PPP1R9A: variants seen among roughly 807,000 people sequenced by gnomAD.
PPP1R9A encodes protein phosphatase 1 regulatory subunit 9A.
PPP1R9A carries 59 observed loss-of-function variants against 141.9 expected under a neutral mutation model. The ratio of observed to expected loss-of-function variants is 0.42; its 90% CI spans 0.34 to 0.52. The LOEUF (loss-of-function observed/expected upper bound fraction) is 0.52. PPP1R9A is among the 20% of genes least tolerant of loss of function. The pLI is 0.10. For missense variants in PPP1R9A, 1,444 were observed against 1,611.9 expected (o/e 0.90, Z 1.78); for synonymous variants, 500 against 569.7 (o/e 0.88, Z 1.74).
intron 5 of PPP1R9A, among the ~76,000 whole-genome samples, chr7:95,181,716 GTCACATATATATAGAATATA>G (rs1833868612): frequency 9.0e-6 from 1 of 110,688 alleles, no homozygotes; most frequent in African/African-American, 3.6e-5. Flanking sequence ...TATATATTCC[GTCACATATATATAGAATATA>G]TATATATTCC....
At chr7:95,007,846 C>A (rs974999020) in intron 2 of PPP1R9A, among the ~76,000 whole-genome samples, 1 of 151,920 alleles carries the variant, frequency 6.6e-6, no homozygotes, top group Non-Finnish European at 1.5e-5. Flanking sequence ...CCGAGGCGGG[C>A]GGATCACCTG....
At chr7:95,074,313 A>T (rs991422637) in intron 2 of PPP1R9A, among the ~76,000 whole-genome samples, 1 of 152,152 alleles carries the variant, frequency 6.6e-6, no homozygotes, top group African/African-American at 2.4e-5. Context: ...ATCCCCCATT[A>T]CAAGCCATCG....
chr7:95,288,017 A>T (rs1049853202), intron 18 of PPP1R9A, among the ~76,000 whole-genome samples: 2 of 152,120 alleles, frequency 1.3e-5, no homozygotes, highest in Non-Finnish European at 2.9e-5. Flanking sequence ...GTAATGATGG[A>T]TATTATATGC....
chr7:95,230,823 C>T (rs559853672), intron 8 of PPP1R9A, among the ~76,000 whole-genome samples: 11 of 152,200 alleles, frequency 7.2e-5, no homozygotes, highest in East Asian at 5.8e-4. Flanking sequence ...ATAAATCTCA[C>T]AGGACCTTTA....
chr7:95,185,409 C>G (rs769045650), intron 5 of PPP1R9A, among the ~76,000 whole-genome samples: 1 of 149,840 alleles, frequency 6.7e-6, no homozygotes, highest in Non-Finnish European at 1.5e-5. Context: ...TTGGCATTCT[C>G]TATAGATTCT....
intron 2 of PPP1R9A, among the ~76,000 whole-genome samples, chr7:94,991,039 T>C (rs942061822): frequency 1.3e-5 from 2 of 152,180 alleles, no homozygotes; most frequent in African/African-American, 4.8e-5. Flanking sequence ...TGCAATATAC[T>C]GATTTCTTTT....
intron 4 of PPP1R9A, among the ~76,000 whole-genome samples, chr7:95,142,273 A>C (rs1826838776): frequency 6.6e-6 from 1 of 152,130 alleles, no homozygotes; most frequent in Non-Finnish European, 1.5e-5. Flanking sequence ...GATACATAAT[A>C]TGTAAACATT....
At chr7:95,098,125 A>G (rs1818279691) in intron 2 of PPP1R9A, 2 of 152,330 alleles carry the variant, frequency 1.3e-5, no homozygotes, top group East Asian at 3.9e-4. Flanking sequence ...TTGAACTTTA[A>G]TCGCATCTAC....
intron 12 of PPP1R9A, among the ~76,000 whole-genome samples, chr7:95,256,840 T>C (rs982482816): frequency 2.6e-5 from 4 of 152,034 alleles, no homozygotes; most frequent in Non-Finnish European, 5.9e-5. Flanking sequence ...TTCTAAAATA[T>C]GCCATAAAAA....
intron 2 of PPP1R9A, among the ~76,000 whole-genome samples, chr7:95,049,765 A>C (rs1810533411): frequency 6.6e-6 from 1 of 152,174 alleles, no homozygotes; most frequent in Admixed American, 6.6e-5. Flanking sequence ...TATAGTTGGA[A>C]TTTTGTAGTA....
intron 5 of PPP1R9A, among the ~76,000 whole-genome samples, chr7:95,166,308 A>G (rs1831260067): frequency 6.6e-6 from 1 of 152,182 alleles, no homozygotes; most frequent in African/African-American, 2.4e-5. Flanking sequence ...AAGTGTCACT[A>G]GCTGCTTTTT....
rs150029636 is a variant in PPP1R9A, at chr7:95,238,085, T to G, written c.2113-9388T>G. ...TAAAGCAGATCAATATCTATGTCTT[T>G]ATCGTTTAACAAAATAATACCCATA... On this transcript the variant is annotated intron_variant, in intron 8 of 19. Coordinates refer to ENST00000433360, the MANE Select transcript of PPP1R9A (RefSeq NM_001166160.2). 4.5e-3 allele frequency among the ~76,000 whole-genome samples: 685 copies of G among 152,302 alleles called. 4 individuals are homozygous for G. The highest frequency in any genetic ancestry group is 0.015 in the African/African-American group (619 of 41,578).
chr7:95,100,365 C>T lies in PPP1R9A; in HGVS notation c.1396-10894C>T, dbSNP rs556497092. On this transcript the variant is annotated intron_variant, in intron 2 of 19. Transcript: ENST00000433360. ...AATACATACTTGATTTTATCATGGA[C>T]TTTTGTATATGTTTGAATATGAATA... 2.6e-5 allele frequency among the ~76,000 whole-genome samples: 4 copies of T among 152,200 alleles called. No homozygotes were observed. The East Asian group carries it at 7.7e-4, about 29-fold the overall frequency.
chr7:95,200,049 A>G (rs939288379), intron 6 of PPP1R9A, among the ~76,000 whole-genome samples: 1 of 151,836 alleles, frequency 6.6e-6, no homozygotes, highest in Non-Finnish European at 1.5e-5. Flanking sequence ...GCATGAAAGC[A>G]CAGGGATTGG....
At chr7:95,164,767 A>G (rs1360565310) in intron 5 of PPP1R9A, among the ~76,000 whole-genome samples, 5 of 86,082 alleles carry the variant, frequency 5.8e-5, no homozygotes, top group African/African-American at 1.9e-4. Flanking sequence ...TTTTTCAGGC[A>G]TGGCCTATTT....
intron 2 of PPP1R9A, among the ~76,000 whole-genome samples, chr7:95,071,844 C>T (rs1042813524): frequency 4.0e-5 from 6 of 151,776 alleles, no homozygotes; most frequent in Non-Finnish European, 7.4e-5. Context: ...TACACTATTA[C>T]GATTTGAAAT....
rs1022608801 is a variant in PPP1R9A at position 95,291,302 on chromosome 7, A to G, written c.*999A>G. 1 of 152,200 alleles carries G rather than the reference A, an allele frequency of 6.6e-6. No individual in the cohort carries two copies. Among genetic ancestry groups the G allele is most frequent in the East Asian group, 1.9e-4 (1 of 5,194 alleles). 9.4% of individuals were successfully genotyped at this position (152,200 alleles called of 1,614,324 possible). A position where few individuals can be genotyped will look rare whatever the true frequency, so the allele number is the denominator to read the frequency against. On this transcript the variant is annotated 3_prime_UTR_variant, in exon 20 of 20. Transcript: ENST00000433360. ...ATCAGGAACTCATCACATATTTTCTACTCAAGATTTCCCAGGTGGGCTCAG... is the reference window on the plus strand; with the variant it reads ...ATCAGGAACTCATCACATATTTTCTGCTCAAGATTTCCCAGGTGGGCTCAG...
chr7:95,167,780 C>T (rs1308128627), intron 5 of PPP1R9A, among the ~76,000 whole-genome samples: 2 of 151,012 alleles, frequency 1.3e-5, no homozygotes, highest in African/African-American at 4.9e-5. Context: ...TGAGAAAGAA[C>T]ACAAGAAGAC....
rs1350468218 is a variant in PPP1R9A, at chr7:95,295,617, A to G, written c.*5314A>G. The G allele has an allele frequency of 6.6e-6, 1 of 152,352 alleles. No individual in the cohort carries two copies. The highest frequency in any genetic ancestry group is 2.1e-4 in the South Asian group (1 of 4,828). 9.4% of individuals were successfully genotyped at this position (152,352 alleles called of 1,614,324 possible). ...AGCAATGGCATTTTGGTTGTTGCCAAAAACAACACAAGTGGTTGGGAGTGT... is the reference window on the plus strand; with the variant it reads ...AGCAATGGCATTTTGGTTGTTGCCAGAAACAACACAAGTGGTTGGGAGTGT... On this transcript the variant is annotated 3_prime_UTR_variant, in exon 20 of 20. Coordinates refer to ENST00000433360, the MANE Select transcript of PPP1R9A (RefSeq NM_001166160.2).
Sources: gnomAD v4.1 joint callset for allele counts (sites outside exome capture counted in the v4.1 genomes callset) on GRCh38, gnomAD v4.1.1 for gene constraint, MANE v1.5 for transcripts, NCBI Gene and HGNC (gene_info 2026-07-23, HGNC 2026-07-21) for gene names.